FGD6: variants seen among roughly 807,000 people sequenced by gnomAD.
FGD6 encodes FYVE, RhoGEF and PH domain containing 6.
FGD6 carries 90 observed loss-of-function variants against 149.4 expected under a neutral mutation model. The observed-to-expected ratio is 0.60, with a 90% CI of 0.51 to 0.72. The LOEUF (loss-of-function observed/expected upper bound fraction) is 0.72, where lower values mean the gene tolerates loss of function less well. FGD6 is among the 30% of genes least tolerant of loss of function. FGD6 has a pLI of 0.00. For synonymous variants in FGD6, 527 were observed against 584.0 expected (o/e 0.90, Z 1.41); for missense variants, 1,437 against 1,684.8 (o/e 0.85, Z 2.57).
chr12:95,166,854 CTT>C (rs60585670), intron 3 of FGD6, among the ~76,000 whole-genome samples: 2,152 of 107,818 alleles, frequency 0.02, 15 homozygotes, highest in Non-Finnish European at 0.029. Context: ...GTTCTTTCTA[CTT>C]TTTTTTTTTT....
chr12:95,163,218 T>C (rs1052665818), intron 3 of FGD6, among the ~76,000 whole-genome samples: 1 of 152,166 alleles, frequency 6.6e-6, no homozygotes, highest in African/African-American at 2.4e-5. Context: ...ACTCCAGCCA[T>C]GCTCTCCCCT....
intron 2 of FGD6, among the ~76,000 whole-genome samples, chr12:95,197,218 C>T (rs527724704): frequency 5.2e-4 from 79 of 152,124 alleles, no homozygotes; most frequent in African/African-American, 1.8e-3. Flanking sequence ...GTGGGTGGAT[C>T]ACTTGAGGTC....
At chr12:95,144,989 T>C (rs1194198132) in intron 5 of FGD6, among the ~76,000 whole-genome samples, 11 of 59,732 alleles carry the variant, frequency 1.8e-4, no homozygotes, top group Admixed American at 1.5e-3. Context: ...GCACCCGGCC[T>C]TTTTTTTTTT....
intron 2 of FGD6, among the ~76,000 whole-genome samples, chr12:95,203,867 T>C (rs1195064185): frequency 6.6e-6 from 1 of 152,176 alleles, no homozygotes; most frequent in East Asian, 1.9e-4. Context: ...ATTCCAACAT[T>C]TGGACACTAT....
intron 8 of FGD6, among the ~76,000 whole-genome samples, chr12:95,114,967 C>T (rs992446221): frequency 1.3e-5 from 2 of 152,168 alleles, no homozygotes; most frequent in Non-Finnish European, 2.9e-5. Flanking sequence ...TTTTCTCCAT[C>T]CCTTCCTCTG....
intron 18 of FGD6, among the ~76,000 whole-genome samples, chr12:95,087,717 C>G (rs1164522387): frequency 6.6e-6 from 1 of 152,178 alleles, no homozygotes; most frequent in African/African-American, 2.4e-5. Context: ...AACTAATACA[C>G]ATGCGCTCTG....
In FGD6 at chr12:95,217,351, T is replaced by G; in HGVS notation, c.-111A>C. 1 of 1,377,602 alleles carries G rather than the reference T, an allele frequency of 7.3e-7. No homozygotes were observed. The highest frequency in any genetic ancestry group is 9.6e-7 in the Non-Finnish European group (1 of 1,041,788). The allele number at this position is 1,377,602 out of a possible 1,614,324, so 85.3% of individuals were successfully genotyped here. On this transcript the variant is annotated 5_prime_UTR_variant, in exon 1 of 21. It removes an upstream start codon present in the reference 5' UTR. Transcript: ENST00000343958. ...GAGAAAAGCCCCCGCAGCGCCCACA[T>G]TCCGTCCCGCCGCCCCGCGGCGCAG... is the stretch of plus-strand genomic sequence containing the variant.
chr12:95,187,414 AGATCATGAGGT>A (rs1881471831), intron 2 of FGD6, among the ~76,000 whole-genome samples: 1 of 20,374 alleles, frequency 4.9e-5, no homozygotes, highest in African/African-American at 1.6e-4. Flanking sequence ...CGAGGCGGGC[AGATCATGAGGT>A]GGGCAGATCA....
intron 14 of FGD6, among the ~76,000 whole-genome samples, chr12:95,099,220 C>T (rs1423125966): frequency 6.6e-6 from 1 of 152,162 alleles, no homozygotes; most frequent in Non-Finnish European, 1.5e-5. Context: ...ATGCGCAGCA[C>T]AATGCCTGGC....
chr12:95,207,011 G>A (rs2056696148), intron 2 of FGD6, among the ~76,000 whole-genome samples: 1 of 144,224 alleles, frequency 6.9e-6, no homozygotes, highest in Non-Finnish European at 1.5e-5. Context: ...TTTTTTTTTG[G>A]AGCCCCCAAG....
At chr12:95,181,983 C>T (rs1388216446) in intron 2 of FGD6, among the ~76,000 whole-genome samples, 1 of 151,640 alleles carries the variant, frequency 6.6e-6, no homozygotes, top group Non-Finnish European at 1.5e-5. Context: ...AATCCAATTC[C>T]ATCATTGCAC....
chr12:95,120,797 A>G (rs889803208), intron 8 of FGD6, among the ~76,000 whole-genome samples: 49 of 152,336 alleles, frequency 3.2e-4, no homozygotes, highest in African/African-American at 1.2e-3. Flanking sequence ...ATATATGAGA[A>G]TAACAGTTTC....
At chr12:95,132,337 GT>G (rs951303019) in intron 8 of FGD6, among the ~76,000 whole-genome samples, 2 of 152,136 alleles carry the variant, frequency 1.3e-5, no homozygotes, top group African/African-American at 2.4e-5. Flanking sequence ...AGTAAAGAGA[GT>G]TTTTTAAAAC....
At chr12:95,108,680 G>T in intron 9 of FGD6, 119 bp from the exon 10 acceptor site, 2 of 1,128,224 alleles carry the variant, frequency 1.8e-6, no homozygotes, top group Non-Finnish European at 2.6e-6. Context: ...CTCTGGAGGA[G>T]CTTATTGACT....
At chr12:95,178,240 A>G (rs1485166029) in intron 2 of FGD6, among the ~76,000 whole-genome samples, 1 of 152,166 alleles carries the variant, frequency 6.6e-6, no homozygotes, top group African/African-American at 2.4e-5. Context: ...TGCATCCTCC[A>G]AAAAGCAACC....
At position 95,135,671 on chromosome 12, in the gene FGD6, C is replaced by T. The variant is rs188957803; in HGVS notation, c.2995-845G>A. Among the ~76,000 whole-genome samples the T allele has an allele frequency of 9.2e-5, 14 of 152,256 alleles. No homozygotes were observed. In the East Asian group the frequency reaches 1.4e-3, roughly 15 times the overall value. ...AAAAAGAGTCACGCTTCTAACATAG[C>T]GCAAGTTGGTTGATAAGTTTTGTTA... On this transcript the variant is annotated intron_variant, in intron 7 of 20. Coordinates refer to ENST00000343958, the MANE Select transcript of FGD6 (RefSeq NM_018351.4).
chr12:95,154,568 C>T (rs541689184), intron 3 of FGD6, among the ~76,000 whole-genome samples: 1 of 152,208 alleles, frequency 6.6e-6, no homozygotes, highest in East Asian at 1.9e-4. Context: ...AGATGTTACA[C>T]CTAAGGTGAA....
chr12:95,189,724 A>G (rs575911761), intron 2 of FGD6: 5 of 152,048 alleles, frequency 3.3e-5, no homozygotes, highest in Non-Finnish European at 5.9e-5. Context: ...CAGTTAATCA[A>G]GTAACCACTG....
Position 95,092,560 on chromosome 12 carries a change from G to C in FGD6, c.3747+139C>G, listed in dbSNP as rs990363044. 6.7e-6 allele frequency: 6 copies of C among 900,362 alleles called. No individual in the cohort carries two copies. The Admixed American group carries it at 1.4e-4, about 21-fold the overall frequency. 55.8% of individuals were successfully genotyped at this position (900,362 alleles called of 1,614,324 possible). On this transcript the variant is annotated intron_variant, in intron 16 of 20. Transcript: ENST00000343958. ...TTTAGAGAAAACACCATTCATGTTT[G>C]CTACCATTAACATAATAATAATAAT...
Sources: gnomAD v4.1 joint callset for allele counts (sites outside exome capture counted in the v4.1 genomes callset) on GRCh38, gnomAD v4.1.1 for gene constraint, MANE v1.5 for transcripts, NCBI Gene and HGNC (gene_info 2026-07-23, HGNC 2026-07-21) for gene names.